CASK: variants seen among roughly 807,000 people sequenced by gnomAD.
The protein encoded by CASK is peripheral plasma membrane protein CASK.
Under a neutral mutation model 82.9 loss-of-function variants are expected in CASK, and 4 were observed. That is an observed-to-expected ratio of 0.05 (90% CI 0.02 to 0.11). The LOEUF (loss-of-function observed/expected upper bound fraction) is 0.11, where lower values mean the gene tolerates loss of function less well. CASK is among the 10% of genes least tolerant of loss of function. The pLI, the probability that CASK is intolerant of heterozygous loss-of-function variation, is 1.00. For synonymous variants in CASK, 259 were observed against 253.5 expected, an observed-to-expected ratio of 1.02 and a Z score of -0.20; for missense variants, 358 against 720.9, an observed-to-expected ratio of 0.50 and a Z score of 5.76.
intron 1 of CASK, among the ~76,000 whole-genome samples, chrX:41,899,048 T>G (rs780102669): frequency 8.9e-6 from 1 of 111,929 alleles, no homozygotes; most frequent in African/African-American, 3.2e-5. Flanking sequence ...TGCTATCTAC[T>G]TCTCTCTTCA....
At chrX:41,591,619 C>T (rs750196226) in intron 12 of CASK, among the ~76,000 whole-genome samples, 241 of 111,067 alleles carry the variant, frequency 2.2e-3, no homozygotes, top group Non-Finnish European at 4.0e-3. Flanking sequence ...GGATCACAGG[C>T]GCGTGCCACC....
At chrX:41,520,705 G>T in intron 26 of CASK, 109 bp from the exon 27 acceptor site, 1 of 718,678 alleles carries the variant, frequency 1.4e-6, no homozygotes, top group Non-Finnish European at 2.2e-6. Flanking sequence ...GTTCATCCCA[G>T]TGTCAGAAAC....
intron 9 of CASK, among the ~76,000 whole-genome samples, chrX:41,632,423 T>G (rs993390626): frequency 8.9e-6 from 1 of 111,903 alleles, no homozygotes; most frequent in South Asian, 3.7e-4. Flanking sequence ...TTACCAAGAC[T>G]CTATAGCAAT....
chrX:41,589,756 T>C, intron 12 of CASK, 164 bp from the exon 13 acceptor site: 4 of 452,084 alleles, frequency 8.8e-6, no homozygotes, highest in East Asian at 7.7e-5. Context: ...TCTGTGAAAC[T>C]TGTCAGAATA....
chrX:41,563,328 G>A (rs1602267366), intron 16 of CASK, among the ~76,000 whole-genome samples: 1 of 87,639 alleles, frequency 1.1e-5, no homozygotes, highest in Non-Finnish European at 2.1e-5. Context: ...CTGCATTCCA[G>A]CCTGGCCGAT....
chrX:41,702,095 C>T (rs201924925), intron 5 of CASK, among the ~76,000 whole-genome samples: 3 of 107,222 alleles, frequency 2.8e-5, no homozygotes, highest in African/African-American at 1.0e-4. Context: ...TCAAAAAAAA[C>T]AAAATCTTTG....
intron 12 of CASK, among the ~76,000 whole-genome samples, chrX:41,599,945 A>G (rs780193995): frequency 1.8e-5 from 2 of 112,143 alleles, no homozygotes; most frequent in African/African-American, 3.2e-5. Context: ...ATCAGATACA[A>G]GAGCTTGCCC....
chrX:41,711,571 C>T (rs1347118312), intron 5 of CASK, among the ~76,000 whole-genome samples: 1 of 110,924 alleles, frequency 9.0e-6, no homozygotes, highest in Admixed American at 9.6e-5. Context: ...AGCCTACCTA[C>T]ATGTCCCGGG....
chrX:41,615,174 A>G (rs2066172306), intron 11 of CASK, among the ~76,000 whole-genome samples: 1 of 111,746 alleles, frequency 8.9e-6, no homozygotes, highest in Admixed American at 9.5e-5. Flanking sequence ...CATTAAGTGG[A>G]TATTAAGTGG....
At chrX:41,636,710 C>T in intron 8 of CASK, 49 bp from the exon 9 acceptor site, 2 of 791,822 alleles carry the variant, frequency 2.5e-6, no homozygotes, top group Middle Eastern at 5.6e-4. Flanking sequence ...TAAAAAAGTG[C>T]AGAAGCTTAA....
intron 2 of CASK, chrX:41,790,123 T>C (rs1319140554): frequency 1.4e-6 from 1 of 711,643 alleles, no homozygotes. Flanking sequence ...TAGAGACTTT[T>C]TTTTTTCTTT....
intron 14 of CASK, chrX:41,585,400 T>C (rs1022546202): frequency 1.8e-5 from 2 of 112,578 alleles, no homozygotes; most frequent in African/African-American, 6.4e-5. Context: ...TCCAGGTAGT[T>C]ACTTTTAGGA....
Position 41,923,096 on chromosome X carries a change from G to C in CASK, c.-108C>G. On this transcript the variant is annotated 5_prime_UTR_variant, in exon 1 of 27. Coordinates refer to ENST00000378163, the MANE Select transcript of CASK (RefSeq NM_001367721.1). The stretch of plus-strand genomic sequence containing the variant: ...GGATCGCCTCCTCCCCTCAGGACCC[G>C]CGAGCCCTCGGTGCCGAGGACGCTC... 4 of 683,847 alleles carry C rather than the reference G, an allele frequency of 5.8e-6. No homozygotes were observed. In the Admixed American group the frequency reaches 1.0e-4, roughly 18 times the overall value. The allele number at this position is 683,847 out of a possible 1,213,427, so 56.4% of individuals were successfully genotyped here.
chrX:41,849,389 T>C (rs1390132579), intron 2 of CASK, among the ~76,000 whole-genome samples: 2 of 111,741 alleles, frequency 1.8e-5, no homozygotes, highest in Non-Finnish European at 3.8e-5. Flanking sequence ...AAGTTCAAGA[T>C]AATAATCTAG....
chrX:41,721,020 C>G (rs1346694767), intron 5 of CASK, among the ~76,000 whole-genome samples: 1 of 111,805 alleles, frequency 8.9e-6, no homozygotes, highest in Admixed American at 9.5e-5. Flanking sequence ...AACTCTAACA[C>G]CTCAAGGAAG....
intron 15 of CASK, among the ~76,000 whole-genome samples, chrX:41,576,754 A>T (rs1162915075): frequency 8.9e-6 from 1 of 111,927 alleles, no homozygotes; most frequent in African/African-American, 3.2e-5. Context: ...AGATGAGCCA[A>T]CTGAGGTCCA....
chrX:41,620,629 T>C (rs2066274373), intron 11 of CASK, among the ~76,000 whole-genome samples: 1 of 112,379 alleles, frequency 8.9e-6, no homozygotes, highest in Non-Finnish European at 1.9e-5. Context: ...AAGTTCTCTC[T>C]TGTCCCTTTG....
chrX:41,867,286 A>G (rs2071608980), intron 1 of CASK, among the ~76,000 whole-genome samples: 2 of 112,139 alleles, frequency 1.8e-5, no homozygotes, highest in Admixed American at 9.4e-5. Context: ...CACTGTGCTA[A>G]TGAAGACCCA....
intron 8 of CASK, among the ~76,000 whole-genome samples, chrX:41,643,102 T>A (rs1258846089): frequency 9.0e-6 from 1 of 111,627 alleles, no homozygotes; most frequent in Non-Finnish European, 1.9e-5. Flanking sequence ...GTTCCATTGG[T>A]CTATATCTCT....
Sources: gnomAD v4.1 joint callset for allele counts (sites outside exome capture counted in the v4.1 genomes callset) on GRCh38, gnomAD v4.1.1 for gene constraint, MANE v1.5 for transcripts, NCBI Gene and HGNC (gene_info 2026-07-23, HGNC 2026-07-21) for gene names.